Variants in NHSL1 observed in about 807,000 individuals in gnomAD.
NHSL1 encodes the protein NHS-like protein 1.
NHSL1 carries 48 observed loss-of-function variants against 95.0 expected under a neutral mutation model. The observed-to-expected ratio is 0.51, with a 90% CI of 0.40 to 0.64. The LOEUF is 0.64. Ranked by LOEUF, NHSL1 falls within the 30% of genes least tolerant of loss-of-function variation. The pLI is 0.00. For synonymous variants in NHSL1, 783 were observed against 833.9 expected (o/e 0.94, Z 1.05); for missense variants, 1,971 against 2,077.7 (o/e 0.95, Z 1.00).
chr6:138,562,569 C>A (rs926148927), intron 1 of NHSL1, among the ~76,000 whole-genome samples: 1 of 151,914 alleles, frequency 6.6e-6, no homozygotes, highest in African/African-American at 2.4e-5. Flanking sequence ...GGTGGAGGCA[C>A]GAGAATCGTT....
chr6:138,553,368 C>G (rs1331815634), intron 1 of NHSL1, among the ~76,000 whole-genome samples: 1 of 152,212 alleles, frequency 6.6e-6, no homozygotes, highest in Non-Finnish European at 1.5e-5. Context: ...TCTCCAGTAG[C>G]AGGATCAATC....
intron 2 of NHSL1, among the ~76,000 whole-genome samples, chr6:138,480,261 C>G (rs1779334947): frequency 6.6e-6 from 1 of 152,194 alleles, no homozygotes; most frequent in South Asian, 2.1e-4. Context: ...GTTTCACACC[C>G]TGTGAATATT....
intron 4 of NHSL1, among the ~76,000 whole-genome samples, chr6:138,442,936 T>C (rs1050308112): frequency 9.2e-5 from 14 of 152,320 alleles, no homozygotes; most frequent in Non-Finnish European, 1.5e-5. Flanking sequence ...TTGATTGATC[T>C]GTTTTAAATT....
intron 1 of NHSL1, among the ~76,000 whole-genome samples, chr6:138,659,769 T>C (rs1439309743): frequency 6.7e-6 from 1 of 148,710 alleles, no homozygotes; most frequent in Non-Finnish European, 1.5e-5. Context: ...CAGGCTGGAG[T>C]ACAGTAGAGC....
chr6:138,637,663 A>G (rs1478645881), intron 1 of NHSL1, among the ~76,000 whole-genome samples: 2 of 152,224 alleles, frequency 1.3e-5, no homozygotes, highest in African/African-American at 2.4e-5. Context: ...AACACCAATC[A>G]ATACTACAAT....
At chr6:138,577,743 G>A (rs977941038) in intron 1 of NHSL1, among the ~76,000 whole-genome samples, 2 of 152,066 alleles carry the variant, frequency 1.3e-5, no homozygotes, top group Non-Finnish European at 2.9e-5. Context: ...AATAATTTAA[G>A]AGTACACTTA....
intron 3 of NHSL1, among the ~76,000 whole-genome samples, chr6:138,458,563 T>A (rs1374253012): frequency 6.6e-6 from 1 of 151,724 alleles, no homozygotes; most frequent in East Asian, 1.9e-4. Context: ...GCGTGGTGGC[T>A]CACACCTGTA....
intron 1 of NHSL1, among the ~76,000 whole-genome samples, chr6:138,579,972 G>A (rs1784028397): frequency 6.6e-6 from 1 of 152,132 alleles, no homozygotes; most frequent in African/African-American, 2.4e-5. Context: ...CTTGATACAA[G>A]CAGTGATTTC....
intron 1 of NHSL1, among the ~76,000 whole-genome samples, chr6:138,670,832 T>C (rs532370761): frequency 6.6e-6 from 1 of 151,918 alleles, no homozygotes; most frequent in Non-Finnish European, 1.5e-5. Flanking sequence ...AAAAGCTCAG[T>C]AGAAGGACTG....
chr6:138,476,957 T>TAAAAAA (rs58311101), intron 2 of NHSL1, among the ~76,000 whole-genome samples: 53 of 100,492 alleles, frequency 5.3e-4, no homozygotes, highest in Non-Finnish European at 6.2e-4. Context: ...TCCCTGAATC[T>TAAAAAA]AAAAAAAAAA....
rs531875765 is a variant in NHSL1 at position 138,605,667 on chromosome 6, A to G, written c.96+86809T>C. On this transcript the variant is annotated intron_variant, in intron 1 of 3. Coordinates refer to the NHSL1 transcript ENST00000491526. Reference sequence around the variant, plus strand: ...GGCACAAATATAAAGGCAACAATTCATCAAAGAGAAGCATCATATGATTAA... The same window carrying G: ...GGCACAAATATAAAGGCAACAATTCGTCAAAGAGAAGCATCATATGATTAA... Among the ~76,000 whole-genome samples the G allele has an allele frequency of 4.6e-5, 7 of 152,342 alleles. No individual in the cohort carries two copies. In the South Asian group the frequency reaches 1.4e-3, roughly 32 times the overall value.
chr6:138,448,321 TGG>T (rs1395962282), intron 3 of NHSL1, among the ~76,000 whole-genome samples: 2 of 152,092 alleles, frequency 1.3e-5, no homozygotes, highest in Non-Finnish European at 2.9e-5. Flanking sequence ...TCGACTTTCG[TGG>T]GGGAAATGAC....
chr6:138,531,512 TTCTC>T (rs1388524476), intron 1 of NHSL1, among the ~76,000 whole-genome samples: 5 of 149,018 alleles, frequency 3.4e-5, no homozygotes, highest in South Asian at 4.2e-4. Flanking sequence ...ACCATTTTGT[TTCTC>T]TCTCTTTTTT....
intron 1 of NHSL1, among the ~76,000 whole-genome samples, chr6:138,525,528 AAAAT>A (rs141195256): frequency 0.29 from 40,283 of 139,366 alleles, 5,965 homozygotes; most frequent in East Asian, 0.37. Context: ...ACCTTGTCTC[AAAAT>A]AAATAAATAA....
intron 1 of NHSL1, among the ~76,000 whole-genome samples, chr6:138,538,330 A>G (rs1444830778): frequency 6.6e-6 from 1 of 152,188 alleles, no homozygotes; most frequent in Non-Finnish European, 1.5e-5. Flanking sequence ...TTGCCATGCC[A>G]TCCCACATAG....
chr6:138,643,385 G>A (rs1784980965), intron 1 of NHSL1, among the ~76,000 whole-genome samples: 1 of 152,078 alleles, frequency 6.6e-6, no homozygotes, highest in Non-Finnish European at 1.5e-5. Context: ...ACATTGACCC[G>A]TCATTATCAC....
intron 2 of NHSL1, among the ~76,000 whole-genome samples, chr6:138,475,073 C>T (rs569950027): frequency 1.4e-4 from 21 of 150,914 alleles, no homozygotes; most frequent in East Asian, 3.9e-4. Flanking sequence ...CGCTTGAACC[C>T]GGGAGGCAGA....
chr6:138,473,227 T>C (rs1778862409), intron 3 of NHSL1, 79 bp downstream of exon 3: 1 of 1,220,948 alleles, frequency 8.2e-7, no homozygotes, highest in Admixed American at 3.8e-5. Flanking sequence ...TCAATTTTGA[T>C]TTTACCAGTT....
intron 1 of NHSL1, among the ~76,000 whole-genome samples, chr6:138,554,662 CT>C (rs1249121247): frequency 6.6e-6 from 1 of 152,128 alleles, no homozygotes; most frequent in African/African-American, 2.4e-5. Context: ...ATACATTATT[CT>C]AATATTTAAT....
Sources: gnomAD v4.1 joint callset for allele counts (sites outside exome capture counted in the v4.1 genomes callset) on GRCh38, gnomAD v4.1.1 for gene constraint, MANE v1.5 for transcripts, NCBI Gene and HGNC (gene_info 2026-07-23, HGNC 2026-07-21) for gene names.